The following SPPL3 variants were observed in gnomAD, a reference collection of about 807,000 sequenced individuals.
The protein encoded by SPPL3 is signal peptide peptidase-like 3.
SPPL3 carries 5 observed loss-of-function variants against 42.4 expected under a neutral mutation model. The observed-to-expected ratio is 0.12, with a 90% CI of 0.06 to 0.25. The LOEUF is 0.25. Ranked by LOEUF, SPPL3 falls within the 10% of genes least tolerant of loss-of-function variation. The probability of loss-of-function intolerance (pLI) is 1.00; values close to 1 mark genes in which losing one functional copy is unlikely to be tolerated. For synonymous variants in SPPL3, 195 were observed against 181.8 expected (o/e 1.07, Z -0.58); for missense variants, 235 against 489.0 (o/e 0.48, Z 4.90).
At chr12:120,821,682 T>C (rs918767761) in intron 1 of SPPL3, among the ~76,000 whole-genome samples, 3 of 152,234 alleles carry the variant, frequency 2.0e-5, no homozygotes, top group Non-Finnish European at 2.9e-5. Flanking sequence ...AGAAAAATGC[T>C]ACTGGATATC....
At chr12:120,777,304 G>C (rs1187760892) in intron 6 of SPPL3, among the ~76,000 whole-genome samples, 1 of 152,144 alleles carries the variant, frequency 6.6e-6, no homozygotes, top group Admixed American at 6.5e-5. Flanking sequence ...GATTGATTTG[G>C]ACTAAAATTT....
intron 2 of SPPL3, among the ~76,000 whole-genome samples, chr12:120,799,440 T>C (rs756783011): frequency 3.9e-5 from 6 of 152,178 alleles, no homozygotes; most frequent in Non-Finnish European, 7.3e-5. Flanking sequence ...GTTGGTAAGC[T>C]AGGGATCTTC....
chr12:120,829,770 G>A (rs1264973061), intron 1 of SPPL3, among the ~76,000 whole-genome samples: 4 of 152,060 alleles, frequency 2.6e-5, no homozygotes, highest in African/African-American at 7.2e-5. Context: ...CGAGGTGGGC[G>A]GATCACCTGT....
At chr12:120,803,847 C>T (rs532462997) in intron 2 of SPPL3, among the ~76,000 whole-genome samples, 18 of 151,998 alleles carry the variant, frequency 1.2e-4, no homozygotes, top group Non-Finnish European at 2.5e-4. Context: ...ATGTTTTCTT[C>T]AAGTAGGACG....
In SPPL3 at chr12:120,764,400, A is replaced by G. The variant is rs1447521543; in HGVS notation, c.*599T>C. 2.6e-5 allele frequency: 4 copies of G among 153,316 alleles called. No individual in the cohort carries two copies. The East Asian group carries it at 5.8e-4, about 22-fold the overall frequency. 9.5% of individuals were successfully genotyped at this position (153,316 alleles called of 1,614,324 possible). On this transcript the variant is annotated 3_prime_UTR_variant, in exon 11 of 11. Transcript: ENST00000353487. Reference sequence around the variant, plus strand: ...ACATCTGGGTGGACATGAACTCATTACAACAAATTCTTATGTGGATGTTGT... The same window carrying G: ...ACATCTGGGTGGACATGAACTCATTGCAACAAATTCTTATGTGGATGTTGT...
At chr12:120,841,736 C>T (rs1871839499) in intron 1 of SPPL3, among the ~76,000 whole-genome samples, 1 of 152,154 alleles carries the variant, frequency 6.6e-6, no homozygotes, top group Non-Finnish European at 1.5e-5. Context: ...CCCTTGTTAT[C>T]CAAATCTATT....
intron 1 of SPPL3, among the ~76,000 whole-genome samples, chr12:120,856,036 G>A (rs1262106737): frequency 1.3e-5 from 2 of 152,206 alleles, no homozygotes; most frequent in South Asian, 4.1e-4. Flanking sequence ...TTACAGCACT[G>A]TCCAATCAGG....
rs1868750152 is a variant in SPPL3, at chr12:120,763,563, AG to A, written c.*1435del. 1 of 152,770 alleles carries A rather than the reference AG, an allele frequency of 6.5e-6. No individual in the cohort carries two copies. Among genetic ancestry groups the A allele is most frequent in the Admixed American group, 6.5e-5 (1 of 15,282 alleles). The allele number at this position is 152,770 out of a possible 1,614,324, so 9.5% of individuals were successfully genotyped here. On this transcript the variant is annotated 3_prime_UTR_variant, in exon 11 of 11. Coordinates refer to ENST00000353487, the MANE Select transcript of SPPL3 (RefSeq NM_139015.5). ...AACAATGGGCACCTTCTTACCAGGC[AG>A]GGGCTGCTTAGGTAAAGGTCAGCAG...
intron 2 of SPPL3, among the ~76,000 whole-genome samples, chr12:120,800,188 A>G (rs1870241184): frequency 6.6e-6 from 1 of 152,114 alleles, no homozygotes; most frequent in East Asian, 1.9e-4. Context: ...TATCCTGGCT[A>G]TTTGCAAGTC....
intron 1 of SPPL3, among the ~76,000 whole-genome samples, chr12:120,864,753 A>G (rs1363870042): frequency 6.6e-6 from 1 of 152,232 alleles, no homozygotes; most frequent in Non-Finnish European, 1.5e-5. Flanking sequence ...TCCTTAAAAC[A>G]ACCACAGTAC....
intron 8 of SPPL3, among the ~76,000 whole-genome samples, chr12:120,767,864 G>C (rs973271295): frequency 3.3e-5 from 5 of 152,146 alleles, no homozygotes; most frequent in African/African-American, 1.2e-4. Flanking sequence ...GCTTCCTCTA[G>C]AAATGTCAAA....
intron 1 of SPPL3, among the ~76,000 whole-genome samples, chr12:120,873,561 C>T (rs1054511944): frequency 2.0e-5 from 3 of 152,024 alleles, no homozygotes; most frequent in Non-Finnish European, 4.4e-5. Context: ...AGGAAAAGGC[C>T]GTATTATTCA....
intron 1 of SPPL3, chr12:120,835,417 T>TA (rs1343075295): frequency 6.6e-6 from 1 of 152,360 alleles, no homozygotes; most frequent in Middle Eastern, 3.4e-3. Flanking sequence ...GCTTGTTCGT[T>TA]AGTCATAGAT....
At chr12:120,785,392 A>C (rs1230603164) in intron 3 of SPPL3, among the ~76,000 whole-genome samples, 7 of 152,190 alleles carry the variant, frequency 4.6e-5, no homozygotes, top group Admixed American at 4.6e-4. Context: ...AGCTTTAAAA[A>C]AATTACAAAG....
intron 1 of SPPL3, among the ~76,000 whole-genome samples, chr12:120,819,561 T>C (rs1483316926): frequency 1.3e-5 from 2 of 152,206 alleles, no homozygotes; most frequent in Non-Finnish European, 2.9e-5. Context: ...ATCTGCCAAA[T>C]ATGCCCAAAA....
chr12:120,801,801 A>AAG (rs1870306627), intron 2 of SPPL3, among the ~76,000 whole-genome samples: 1 of 152,200 alleles, frequency 6.6e-6, no homozygotes, highest in African/African-American at 2.4e-5. Flanking sequence ...TGAACTGGGT[A>AAG]AGGTCCAGAT....
chr12:120,787,747 A>C (rs1487322999), intron 3 of SPPL3, among the ~76,000 whole-genome samples: 1 of 151,944 alleles, frequency 6.6e-6, no homozygotes, highest in Admixed American at 6.6e-5. Context: ...CTTAAATACT[A>C]GTTTGCCTGT....
intron 2 of SPPL3, chr12:120,791,834 G>T: frequency 3.0e-6 from 1 of 336,536 alleles, no homozygotes; most frequent in Non-Finnish European, 5.5e-6. Context: ...ACTTCCTTAT[G>T]ATAAAAGCCT....
At chr12:120,891,809 T>C (rs1873653565) in intron 1 of SPPL3, among the ~76,000 whole-genome samples, 1 of 149,806 alleles carries the variant, frequency 6.7e-6, no homozygotes, top group Non-Finnish European at 1.5e-5. Flanking sequence ...ACATATTTAA[T>C]AAATGGCTGT....
Sources: allele counts gnomAD v4.1 joint callset (sites outside exome capture counted in the v4.1 genomes callset), GRCh38; gene constraint gnomAD v4.1.1; transcripts MANE v1.5; gene names NCBI Gene and HGNC (gene_info 2026-07-23, HGNC 2026-07-21).